LHFPL2: variants seen among roughly 807,000 people sequenced by gnomAD.
LHFPL2 encodes LHFPL tetraspan subfamily member 2.
LHFPL2 carries 7 observed loss-of-function variants against 17.5 expected under a neutral mutation model. The ratio of observed to expected loss-of-function variants is 0.40; its 90% CI spans 0.23 to 0.75. The LOEUF is 0.75. LHFPL2 is among the 30% of genes least tolerant of loss of function. The pLI is 0.37. For synonymous variants in LHFPL2, 134 were observed against 116.2 expected, an observed-to-expected ratio of 1.15 and a Z score of -0.99; for missense variants, 241 against 294.8, an observed-to-expected ratio of 0.82 and a Z score of 1.34.
chr5:78,489,918 C>G lies in LHFPL2; in HGVS notation c.431-765G>C, dbSNP rs140956983. 5.5e-3 allele frequency among the ~76,000 whole-genome samples: 844 copies of G among 152,202 alleles called. 10 individuals carry two copies. The highest frequency in any genetic ancestry group is 0.019 in the African/African-American group (797 of 41,524). On this transcript the variant is annotated intron_variant, in intron 4 of 4. Coordinates refer to ENST00000380345, the MANE Select transcript of LHFPL2 (RefSeq NM_005779.3). ...TTCTGCAGAAAGAGTTTGCCAACTC[C>G]TGGTCTAAGGAAATTCACACAGAAC...
chr5:78,615,668 A>G (rs1166029444), intron 2 of LHFPL2, among the ~76,000 whole-genome samples: 1 of 152,176 alleles, frequency 6.6e-6, no homozygotes, highest in Non-Finnish European at 1.5e-5. Flanking sequence ...ATCTAAAAGA[A>G]CTCAGATTGT....
At chr5:78,567,057 T>C (rs1316670626) in intron 2 of LHFPL2, among the ~76,000 whole-genome samples, 2 of 152,172 alleles carry the variant, frequency 1.3e-5, no homozygotes, top group Admixed American at 6.5e-5. Context: ...TTTTTACATA[T>C]AAACCAAGCA....
intron 4 of LHFPL2, among the ~76,000 whole-genome samples, chr5:78,492,895 G>A (rs551738299): frequency 5.3e-5 from 8 of 152,160 alleles, no homozygotes; most frequent in Admixed American, 1.3e-4. Context: ...CCAGGGCTCC[G>A]TGGGGCAGTG....
intron 3 of LHFPL2, among the ~76,000 whole-genome samples, chr5:78,544,789 C>T (rs1756221248): frequency 6.7e-6 from 1 of 149,316 alleles, no homozygotes; most frequent in Non-Finnish European, 1.5e-5. Context: ...ACACACACCC[C>T]AAAACAGAAA....
At chr5:78,642,079 T>C (rs1243063659) in intron 1 of LHFPL2, 1 of 152,216 alleles carries the variant, frequency 6.6e-6, no homozygotes, top group African/African-American at 2.4e-5. Context: ...GCCCTCTTCC[T>C]GGCTTGCAGA....
At chr5:78,495,364 G>GT (rs1470538513) in intron 4 of LHFPL2, among the ~76,000 whole-genome samples, 1 of 152,168 alleles carries the variant, frequency 6.6e-6, no homozygotes, top group Non-Finnish European at 1.5e-5. Flanking sequence ...AAGGTTTCTT[G>GT]TCTTTGTGGG....
intron 4 of LHFPL2, among the ~76,000 whole-genome samples, chr5:78,493,473 T>G (rs973514465): frequency 6.6e-6 from 1 of 152,272 alleles, no homozygotes; most frequent in Non-Finnish European, 1.5e-5. Flanking sequence ...ATCTCCATCC[T>G]TGACTTTATG....
At chr5:78,630,650 G>A (rs989393619) in intron 2 of LHFPL2, among the ~76,000 whole-genome samples, 1 of 151,968 alleles carries the variant, frequency 6.6e-6, no homozygotes, top group African/African-American at 2.4e-5. Flanking sequence ...GAAACCACGG[G>A]GAAGTGACTA....
At chr5:78,522,834 T>C (rs1244261478) in intron 3 of LHFPL2, among the ~76,000 whole-genome samples, 1 of 152,138 alleles carries the variant, frequency 6.6e-6, no homozygotes, top group East Asian at 1.9e-4. Flanking sequence ...AGGGCAGGAC[T>C]GAGGGGTGAG....
intron 4 of LHFPL2, among the ~76,000 whole-genome samples, chr5:78,498,033 C>T (rs140377778): frequency 8.5e-5 from 13 of 152,138 alleles, no homozygotes; most frequent in African/African-American, 3.1e-4. Context: ...GAGCAGCACG[C>T]GGGAGAAGGA....
intron 1 of LHFPL2, among the ~76,000 whole-genome samples, chr5:78,647,008 C>A (rs559327711): frequency 6.6e-6 from 1 of 152,268 alleles, no homozygotes; most frequent in Middle Eastern, 3.4e-3. Flanking sequence ...TTTGCTGCAC[C>A]CTTTGCAAAC....
At chr5:78,499,466 G>T (rs893772257) in intron 4 of LHFPL2, among the ~76,000 whole-genome samples, 3 of 152,286 alleles carry the variant, frequency 2.0e-5, no homozygotes, top group Admixed American at 2.0e-4. Flanking sequence ...GTTAATCAAC[G>T]GCAGGACAGG....
At chr5:78,548,997 G>A (rs1005260709) in intron 3 of LHFPL2, 4 of 152,182 alleles carry the variant, frequency 2.6e-5, no homozygotes, top group African/African-American at 4.8e-5. Context: ...GAGTAACAAA[G>A]TGCCTTAACA....
intron 2 of LHFPL2, among the ~76,000 whole-genome samples, chr5:78,590,605 C>T (rs1743593290): frequency 6.6e-6 from 1 of 151,992 alleles, no homozygotes; most frequent in Admixed American, 6.5e-5. Flanking sequence ...AATTGTTGGA[C>T]AATTTATTTT....
At chr5:78,544,219 T>C (rs979247452) in intron 3 of LHFPL2, among the ~76,000 whole-genome samples, 2 of 152,194 alleles carry the variant, frequency 1.3e-5, no homozygotes, top group African/African-American at 4.8e-5. Context: ...CCCCAGCTGC[T>C]GTAGACAGTA....
At chr5:78,629,685 TG>T (rs1259079915) in intron 2 of LHFPL2, among the ~76,000 whole-genome samples, 5 of 152,242 alleles carry the variant, frequency 3.3e-5, no homozygotes, top group Non-Finnish European at 7.3e-5. Context: ...GAAACTGCGA[TG>T]CAGAGCCCAG....
chr5:78,563,078 A>G (rs138931357), intron 3 of LHFPL2, among the ~76,000 whole-genome samples: 34 of 152,372 alleles, frequency 2.2e-4, no homozygotes, highest in African/African-American at 7.5e-4. Context: ...GCCTGGGAGT[A>G]GAAATAAATG....
rs541260689 is a variant in LHFPL2 at position 78,616,330 on chromosome 5, T to C, written c.-245+15934A>G. ...TTTTAGTAGAGACGGGGTTTCACCG[T>C]GTTAGCCAGGATGATCTCGATCTGC... is the stretch of plus-strand genomic sequence containing the variant. On this transcript the variant is annotated intron_variant, in intron 2 of 4. Transcript: ENST00000380345. Among the ~76,000 whole-genome samples the C allele has an allele frequency of 4.7e-3, 708 of 152,206 alleles. 3 individuals are homozygous for C. Among genetic ancestry groups the C allele is most frequent in the Non-Finnish European group, 8.1e-3 (553 of 68,002 alleles).
chr5:78,595,508 C>T (rs1743791852), intron 2 of LHFPL2, among the ~76,000 whole-genome samples: 1 of 152,146 alleles, frequency 6.6e-6, no homozygotes. Flanking sequence ...CTAGGAGAAT[C>T]TTCTTTCTTC....
Sources: allele counts gnomAD v4.1 joint callset (sites outside exome capture counted in the v4.1 genomes callset), GRCh38; gene constraint gnomAD v4.1.1; transcripts MANE v1.5; gene names NCBI Gene and HGNC (gene_info 2026-07-23, HGNC 2026-07-21).